RCN1: variants seen among roughly 807,000 people sequenced by gnomAD.
RCN1 encodes the protein reticulocalbin-1.
Under a neutral mutation model 34.7 loss-of-function variants are expected in RCN1, and 14 were observed. The ratio of observed to expected loss-of-function variants is 0.40; its 90% confidence interval spans 0.27 to 0.63. RCN1 has a LOEUF of 0.63. Among genes scored for constraint, RCN1 ranks in the 30% least tolerant of loss-of-function variants. The pLI is 0.37. For missense variants in RCN1, 326 were observed against 425.1 expected (o/e 0.77, Z 2.05); for synonymous variants, 125 against 165.5 (o/e 0.76, Z 1.88).
At position 32,105,183 on chromosome 11, in the gene RCN1, TA is replaced by T. The variant is rs1459137677; in HGVS notation, c.*715del. On this transcript the variant is annotated 3_prime_UTR_variant, in exon 6 of 6. Coordinates refer to ENST00000054950, the MANE Select transcript of RCN1 (RefSeq NM_002901.4). ...ATGTCAGACATTTGAAGAACTATAG[TA>T]AAATGATAAACACTAAATATACTTG... is the stretch of plus-strand genomic sequence containing the variant. 6.0e-6 allele frequency: 1 copy of T among 167,082 alleles called. No homozygotes were observed. Among genetic ancestry groups the T allele is most frequent in the Non-Finnish European group, 1.5e-5 (1 of 68,122 alleles). The allele number at this position is 167,082 out of a possible 1,614,324, so 10.3% of individuals were successfully genotyped here. A position where few individuals can be genotyped will look rare whatever the true frequency, so the allele number is the denominator to read the frequency against.
At chr11:32,091,966 C>T (rs1435449897) in intron 1 of RCN1, among the ~76,000 whole-genome samples, 1 of 152,156 alleles carries the variant, frequency 6.6e-6, no homozygotes, top group Non-Finnish European at 1.5e-5. Flanking sequence ...GTCTCGGCCG[C>T]AGTGGTCTTG....
At chr11:32,100,693 T>G (rs901531275) in intron 4 of RCN1, 85 bp downstream of exon 4, 1 of 1,088,676 alleles carries the variant, frequency 9.2e-7, no homozygotes, top group Admixed American at 1.8e-5. Flanking sequence ...TCCCCAGACG[T>G]CTCTTTTAGC....
intron 4 of RCN1, chr11:32,102,915 AG>A (rs1414171635): frequency 2.3e-6 from 1 of 440,166 alleles, no homozygotes; most frequent in Non-Finnish European, 4.4e-6. Flanking sequence ...ATGTAGTGCC[AG>A]TTTGGGTTGT....
intron 4 of RCN1, chr11:32,103,033 C>T (rs223060): frequency 0.17 from 103,818 of 600,276 alleles, 9,518 homozygotes; most frequent in East Asian, 0.29. Flanking sequence ...AGTCACTGAA[C>T]TAAGTCAAAA....
At chr11:32,094,567 G>T (rs1019305908) in intron 1 of RCN1, among the ~76,000 whole-genome samples, 1 of 152,178 alleles carries the variant, frequency 6.6e-6, no homozygotes, top group African/African-American at 2.4e-5. Flanking sequence ...GATGGAGTTG[G>T]TCTGGGTTTG....
At chr11:32,094,590 A>G (rs965598279) in intron 1 of RCN1, among the ~76,000 whole-genome samples, 5 of 152,202 alleles carry the variant, frequency 3.3e-5, no homozygotes, top group Non-Finnish European at 7.3e-5. Flanking sequence ...CCTTGCATCA[A>G]CACCTTAACT....
At chr11:32,101,252 CA>C (rs1242263456) in intron 4 of RCN1, among the ~76,000 whole-genome samples, 1 of 102,326 alleles carries the variant, frequency 9.8e-6, no homozygotes, top group Non-Finnish European at 2.2e-5. Context: ...CCCCCCAGCC[CA>C]ACCCCCCGCT....
Position 32,091,402 on chromosome 11 carries a change from C to G in RCN1, c.206C>G (p.Ser69Cys). 6.5e-7 allele frequency: 1 copy of G among 1,549,172 alleles called. No homozygotes were observed. The highest frequency in any genetic ancestry group is 8.7e-7 in the Non-Finnish European group (1 of 1,146,172). The change falls in exon 1 of 6, where the codon TCC (serine) becomes TGC (cysteine). Residue 69 changes from serine to cysteine, a missense_variant. Coordinates refer to ENST00000054950, the MANE Select transcript of RCN1 (RefSeq NM_002901.4). ...DHEAFLGKED[S>C]KTFDQLTPDE... ...GAGGCCTTCCTGGGCAAGGAGGACTCCAAGACCTTCGACCAGCTCACCCCG... is the reference window on the plus strand; with the variant it reads ...GAGGCCTTCCTGGGCAAGGAGGACTGCAAGACCTTCGACCAGCTCACCCCG...
Position 32,100,589 on chromosome 11 carries a change from G to A in RCN1, c.669G>A (p.Val223=), listed in dbSNP as rs1852025990. 6.2e-7 allele frequency: 1 copy of A among 1,613,956 alleles called. No individual in the cohort carries two copies. The highest frequency in any genetic ancestry group is 1.1e-5 in the South Asian group (1 of 91,080). Residue 223 remains valine, a synonymous_variant, in exon 4 of 6, where the codon GTG becomes GTA. Coordinates refer to ENST00000054950, the MANE Select transcript of RCN1 (RefSeq NM_002901.4). ...TCGACAAGAACGGGGATGGGTTTGTGGATCAGGATGAGTATATTGGTGAGT... is the reference window on the plus strand; with the variant it reads ...TCGACAAGAACGGGGATGGGTTTGTAGATCAGGATGAGTATATTGGTGAGT... The part of the protein sequence containing the change: ...EDIDKNGDGF[V]DQDEYIADMF...
Position 32,098,445 on chromosome 11 carries a change from G to A in RCN1, c.544G>A (p.Gly182Ser), listed in dbSNP as rs1258588270. The change falls in exon 3 of 6, where the codon GGT becomes AGT. Residue 182 changes from glycine (G) to serine (S), a missense_variant. Transcript: ENST00000054950. The stretch of plus-strand genomic sequence containing the variant: ...AAGATTCAAAGCTGCAGACCTCAAT[G>A]GTGACCTGACAGCTACTCGGGAGGA... ...ERRFKAADLNGDLTATREEFT... is the reference protein window; with the variant it reads ...ERRFKAADLNSDLTATREEFT... 2 of 1,614,114 alleles carry A rather than the reference G, an allele frequency of 1.2e-6. No individual in the cohort carries two copies. The highest frequency in any genetic ancestry group is 1.7e-6 in the Non-Finnish European group (2 of 1,179,988).
intron 1 of RCN1, among the ~76,000 whole-genome samples, chr11:32,094,474 T>C (rs1222587057): frequency 1.3e-5 from 2 of 152,198 alleles, no homozygotes; most frequent in African/African-American, 2.4e-5. Context: ...ATTTGGCGGC[T>C]AGCAGGGTAC....
chr11:32,102,310 C>T (rs910942528), intron 4 of RCN1: 4 of 151,998 alleles, frequency 2.6e-5, no homozygotes, highest in African/African-American at 4.8e-5. Flanking sequence ...CGATGAAGCT[C>T]GAATTAGCTA....
intron 1 of RCN1, among the ~76,000 whole-genome samples, chr11:32,095,881 G>A (rs1203911311): frequency 6.6e-6 from 1 of 152,130 alleles, no homozygotes; most frequent in African/African-American, 2.4e-5. Flanking sequence ...TGCAAATGAA[G>A]GGGTACTTTC....
chr11:32,099,147 G>A (rs1852006694), intron 3 of RCN1, among the ~76,000 whole-genome samples: 1 of 152,058 alleles, frequency 6.6e-6, no homozygotes, highest in African/African-American at 2.4e-5. Flanking sequence ...TTGAAATGCT[G>A]TCTCTACTAA....
At chr11:32,098,254 A>G in intron 2 of RCN1, 96 bp from the exon 3 acceptor site, 3 of 1,118,798 alleles carry the variant, frequency 2.7e-6, no homozygotes, top group Non-Finnish European at 3.8e-6. Flanking sequence ...TTTTCCCTAT[A>G]TGTACCATTT....
At position 32,100,473 on chromosome 11, in the gene RCN1, A is replaced by G. The variant is rs953254789; in HGVS notation, c.628-75A>G. ...GCATTCAGCCGTAAAAGCTGGACAA[A>G]TGAGGACAATAGAATTCTCAGACTT... On this transcript the variant is annotated intron_variant, in intron 3 of 5. Transcript: ENST00000054950. The G allele has an allele frequency of 3.0e-5, 36 of 1,218,054 alleles. 1 individual carries two copies. The Middle Eastern group carries it at 1.3e-3, about 44-fold the overall frequency. 75.5% of individuals were successfully genotyped at this position (1,218,054 alleles called of 1,614,324 possible). A position where few individuals can be genotyped will look rare whatever the true frequency, so the allele number is the denominator to read the frequency against.
intron 3 of RCN1, among the ~76,000 whole-genome samples, chr11:32,099,131 A>C (rs928240024): frequency 1.3e-5 from 2 of 152,088 alleles, no homozygotes; most frequent in East Asian, 3.9e-4. Context: ...CAGCCTGGCC[A>C]ATATGTTGAA....
intron 1 of RCN1, chr11:32,091,776 A>G (rs1384009523): frequency 5.6e-6 from 2 of 359,160 alleles, no homozygotes; most frequent in Non-Finnish European, 1.0e-5. Flanking sequence ...GAGTGCACAA[A>G]AGAAGAGTTT....
At chr11:32,093,457 T>C (rs1851942016) in intron 1 of RCN1, among the ~76,000 whole-genome samples, 1 of 152,154 alleles carries the variant, frequency 6.6e-6, no homozygotes, top group South Asian at 2.1e-4. Flanking sequence ...TAAAACCTAC[T>C]GTGAGCACAT....
Sources: gnomAD v4.1 joint callset for allele counts (sites outside exome capture counted in the v4.1 genomes callset) on GRCh38, gnomAD v4.1.1 for gene constraint, MANE v1.5 for transcripts, NCBI Gene and HGNC (gene_info 2026-07-23, HGNC 2026-07-21) for gene names.